ZNF577: variants seen among roughly 807,000 people sequenced by gnomAD.
ZNF577 encodes the protein zinc finger protein 577.
In ZNF577, 14 loss-of-function variants were observed where a neutral mutation model predicts 13.9. The observed-to-expected ratio is 1.00, with a 90% CI of 0.66 to 1.57. The LOEUF is 1.57. Among genes scored for constraint, ZNF577 ranks in the 40% most tolerant of loss-of-function variants. The pLI is 0.00. For synonymous variants in ZNF577, 203 were observed against 202.9 expected (o/e 1.00, Z 0.00); for missense variants, 555 against 579.2 (o/e 0.96, Z 0.43).
intron 9 of ZNF577, among the ~76,000 whole-genome samples, chr19:51,815,538 C>T (rs928350070): frequency 1.5e-4 from 22 of 147,744 alleles, no homozygotes; most frequent in African/African-American, 5.3e-4. Context: ...CACTGCACTC[C>T]AGCCTGAGGG....
chr19:51,820,996 G>A (rs2084184320), intron 9 of ZNF577, among the ~76,000 whole-genome samples: 1 of 152,208 alleles, frequency 6.6e-6, no homozygotes, highest in South Asian at 2.1e-4. Context: ...CTATTGCTAT[G>A]AGCATTGTTC....
intron 5 of ZNF577, 38 bp from the exon 6 acceptor site, chr19:51,873,744 C>T (rs1204015199): frequency 6.2e-6 from 9 of 1,455,604 alleles, no homozygotes; most frequent in Admixed American, 2.0e-5. Flanking sequence ...GCGAGCCAAA[C>T]TTATTGTGTC....
Position 51,880,822 on chromosome 19 carries a change from AGC to A in ZNF577, c.-165_-164del, listed in dbSNP as rs759450079. On this transcript the variant is annotated 5_prime_UTR_variant, in exon 2 of 6. An upstream open reading frame in the 5' UTR gains an earlier in-frame stop. Transcript: ENST00000638348. The stretch of plus-strand genomic sequence containing the variant: ...ACCACTGGAAATGATGATCTTCCCC[AGC>A]CTGGAAGCTCCTTCTTCCATTACTG... 0.085 allele frequency: 13,538 copies of A among 160,070 alleles called. 674 individuals carry two copies. Among genetic ancestry groups the A allele is most frequent in the East Asian group, 0.21 (1,102 of 5,342 alleles). The allele number at this position is 160,070 out of a possible 1,614,324, so 9.9% of individuals were successfully genotyped here.
chr19:51,884,318 A>T (rs951382107), intron 1 of ZNF577, among the ~76,000 whole-genome samples: 3 of 152,202 alleles, frequency 2.0e-5, no homozygotes, highest in African/African-American at 7.2e-5. Context: ...TTAGAGATTC[A>T]TACTGGGATA....
chr19:51,821,166 G>C (rs2084185649), intron 9 of ZNF577, among the ~76,000 whole-genome samples: 1 of 152,158 alleles, frequency 6.6e-6, no homozygotes, highest in Non-Finnish European at 1.5e-5. Flanking sequence ...CTGAAAGTTA[G>C]ACTTCACCAC....
Position 51,872,464 on chromosome 19 carries a change from GCT to G in ZNF577, c.*66_*67del. 7.5e-7 allele frequency: 1 copy of G among 1,325,588 alleles called. No individual in the cohort carries two copies. The highest frequency in any genetic ancestry group is 1.0e-6 in the Non-Finnish European group (1 of 991,682). 82.1% of individuals were successfully genotyped at this position (1,325,588 alleles called of 1,614,324 possible). A position where few individuals can be genotyped will look rare whatever the true frequency, so the allele number is the denominator to read the frequency against. On this transcript the variant is annotated 3_prime_UTR_variant, in exon 6 of 6. Coordinates refer to ENST00000638348, the MANE Select transcript of ZNF577 (RefSeq NM_001370449.1). The stretch of plus-strand genomic sequence containing the variant: ...TCCACAGTGTTTCAGCCCTAAATGA[GCT>G]CTCTGGGATATAATGGCTGGAGGAT...
intron 9 of ZNF577, among the ~76,000 whole-genome samples, chr19:51,815,651 T>C (rs555233828): frequency 6.6e-6 from 1 of 151,850 alleles, no homozygotes; most frequent in African/African-American, 2.4e-5. Flanking sequence ...GCAGATCGCT[T>C]TAAGCCCAGG....
rs1439961861 is a variant in ZNF577 at position 51,881,269 on chromosome 19, T to A, written c.-218-392A>T. On this transcript the variant is annotated intron_variant, in intron 1 of 5. Transcript: ENST00000638348. ...TGAGATGGGTGGATCTCACCTGAGC[T>A]CCAGAGTTCAAGACCAGCCTGGACA... Among the ~76,000 whole-genome samples the A allele has an allele frequency of 3.3e-5, 5 of 152,116 alleles. No homozygotes were observed. In the East Asian group the frequency reaches 9.7e-4, roughly 30 times the overall value.
intron 9 of ZNF577, among the ~76,000 whole-genome samples, chr19:51,821,959 T>A (rs1023724284): frequency 1.3e-5 from 2 of 152,178 alleles, no homozygotes; most frequent in African/African-American, 4.8e-5. Flanking sequence ...TTCCTGGCCA[T>A]AAAAATCACT....
At chr19:51,813,067 C>T (rs967599847) in intron 9 of ZNF577, among the ~76,000 whole-genome samples, 2 of 150,856 alleles carry the variant, frequency 1.3e-5, no homozygotes, top group African/African-American at 2.4e-5. Flanking sequence ...TGCAATGGGC[C>T]GAGATCACGC....
intron 8 of ZNF577, chr19:51,840,483 G>C (rs920930797): frequency 3.9e-5 from 6 of 152,310 alleles, no homozygotes; most frequent in Non-Finnish European, 7.3e-5. Context: ...GAGGAGCTCA[G>C]GTAGTAAGGG....
chr19:51,866,876 G>C (rs2122627823), downstream of ZNF577, among the ~76,000 whole-genome samples: 2 of 152,194 alleles, frequency 1.3e-5, no homozygotes, highest in East Asian at 3.9e-4. Context: ...AGCTACTCAG[G>C]AGGCTGGGGC....
At chr19:51,838,926 C>T (rs1056316500) in intron 9 of ZNF577, among the ~76,000 whole-genome samples, 3 of 151,624 alleles carry the variant, frequency 2.0e-5, no homozygotes, top group Non-Finnish European at 2.9e-5. Flanking sequence ...TATAGGAAAA[C>T]GAACTATATG....
chr19:51,845,217 G>A (rs191079669), intron 5 of ZNF577, among the ~76,000 whole-genome samples: 11 of 152,196 alleles, frequency 7.2e-5, no homozygotes, highest in African/African-American at 2.2e-4. Context: ...ATACTTGGCC[G>A]GGCACGGTGG....
intron 1 of ZNF577, among the ~76,000 whole-genome samples, chr19:51,882,479 TAAA>T (rs58821740): frequency 0.25 from 31,467 of 128,250 alleles, 3,920 homozygotes; most frequent in South Asian, 0.45. Flanking sequence ...CAGTATCCAA[TAAA>T]AAAAAAAAAA....
At chr19:51,882,145 T>C (rs761669808) in intron 1 of ZNF577, among the ~76,000 whole-genome samples, 6 of 152,058 alleles carry the variant, frequency 3.9e-5, no homozygotes, top group Non-Finnish European at 5.9e-5. Context: ...CAGAAATCCA[T>C]ATGGATAGCT....
At chr19:51,863,413 G>C (rs888291698), downstream of ZNF577, among the ~76,000 whole-genome samples, 2 of 152,148 alleles carry the variant, frequency 1.3e-5, no homozygotes, top group Non-Finnish European at 2.9e-5. Context: ...ATTTGAGTAA[G>C]CTCTGTATTT....
chr19:51,847,648 A>C (rs765327376), intron 5 of ZNF577, among the ~76,000 whole-genome samples: 1 of 152,082 alleles, frequency 6.6e-6, no homozygotes, highest in African/African-American at 2.4e-5. Flanking sequence ...CCACAGCTCT[A>C]AACACTGATG....
intron 3 of ZNF577, among the ~76,000 whole-genome samples, chr19:51,879,877 G>A (rs1307765924): frequency 6.6e-6 from 1 of 152,196 alleles, no homozygotes; most frequent in African/African-American, 2.4e-5. Context: ...AGCCGAACTG[G>A]TGCTTTGTTT....
Sources: allele counts gnomAD v4.1 joint callset (sites outside exome capture counted in the v4.1 genomes callset), GRCh38; gene constraint gnomAD v4.1.1; transcripts MANE v1.5; gene names NCBI Gene and HGNC (gene_info 2026-07-23, HGNC 2026-07-21).